The following OR52I2 variants were observed in gnomAD, a reference collection of about 807,000 sequenced individuals.
The protein encoded by OR52I2 is olfactory receptor family 52 subfamily I member 2, also known as olfactory receptor 52I2.
For missense variants in OR52I2, 350 were observed against 402.4 expected, an observed-to-expected ratio of 0.87 and a Z score of 1.11; for synonymous variants, 147 against 151.9, an observed-to-expected ratio of 0.97 and a Z score of 0.24.
chr11:4,589,512 T>C (rs549129108), exon 2 of OR52I2: 5 of 152,090 alleles, frequency 3.3e-5, no homozygotes, highest in Non-Finnish European at 5.9e-5. Flanking sequence ...GAATAGAAAA[T>C]ATAAGCCTTT....
exon 2 of OR52I2, chr11:4,587,662 C>T (rs372813851): frequency 6.2e-7 from 1 of 1,614,040 alleles, no homozygotes; most frequent in African/African-American, 1.3e-5. Flanking sequence ...GTACTATCTA[C>T]CTGGGATGGC....
intron 1 of OR52I2, 79 bp from the exon 2 acceptor site, chr11:4,586,793 T>C (rs373274567): frequency 9.4e-6 from 15 of 1,601,328 alleles, no homozygotes; most frequent in African/African-American, 8.0e-5. Flanking sequence ...GAGAATATCC[T>C]TAGGTTTTCC....
At chr11:4,587,656 T>C in exon 2 of OR52I2, 3 of 1,613,966 alleles carry the variant, frequency 1.9e-6, no homozygotes, top group Non-Finnish European at 2.5e-6. Context: ...GGCTTTGTAC[T>C]ATCTACCTGG....
chr11:4,588,036 T>C (rs1025372307), exon 2 of OR52I2: 15 of 624,088 alleles, frequency 2.4e-5, no homozygotes, highest in Non-Finnish European at 3.9e-5. Context: ...TTCTGAGGGC[T>C]TTCTCAGTGG....
In OR52I2 at chr11:4,588,061, T is replaced by A. The variant is rs79596769; in HGVS notation, c.*196T>A. On this transcript the variant is annotated 3_prime_UTR_variant, in exon 2 of 2. Transcript: ENST00000641896. ...TTTCTCAGTGGATTCAATCAACTTG[T>A]ATCTGAATCAGAGACAAGTTTTGGT... 2.8e-3 allele frequency: 1,685 copies of A among 591,830 alleles called. 21 individuals are homozygous for A. The highest frequency in any genetic ancestry group is 0.028 in the African/African-American group (1,531 of 53,886). 36.7% of individuals were successfully genotyped at this position (591,830 alleles called of 1,614,324 possible). A position where few individuals can be genotyped will look rare whatever the true frequency, so the allele number is the denominator to read the frequency against.
exon 2 of OR52I2, chr11:4,588,628 C>T (rs1846327550): frequency 6.6e-6 from 1 of 152,258 alleles, no homozygotes. Context: ...TCTTTCCCTT[C>T]TCCGTTCAAC....
exon 2 of OR52I2, chr11:4,587,657 A>G: frequency 1.2e-6 from 2 of 1,614,186 alleles, no homozygotes; most frequent in African/African-American, 1.3e-5. Context: ...GCTTTGTACT[A>G]TCTACCTGGG....
chr11:4,583,293 G>A (rs567594630), intron 1 of OR52I2, among the ~76,000 whole-genome samples: 1 of 151,894 alleles, frequency 6.6e-6, no homozygotes. Flanking sequence ...CACCACTCTC[G>A]AAGGCATGAA....
chr11:4,590,554 G>GGGCTGAGGCCTCAGCATC (rs1304526753), exon 2 of OR52I2: 3 of 152,342 alleles, frequency 2.0e-5, no homozygotes, highest in East Asian at 3.9e-4. Context: ...AGAGCTTCCA[G>GGGCTGAGGCCTCAGCATC]GGCTGAGGCC....
At chr11:4,587,110 G>C (rs1475831882) in exon 2 of OR52I2, 9 of 1,614,078 alleles carry the variant, frequency 5.6e-6, no homozygotes, top group Non-Finnish European at 6.8e-6. Context: ...GGCTGCTGTG[G>C]ACATTGTTAT....
chr11:4,586,717 G>A (rs1460700474), intron 1 of OR52I2, 155 bp from the exon 2 acceptor site: 5 of 967,908 alleles, frequency 5.2e-6, no homozygotes, highest in Admixed American at 2.2e-5. Flanking sequence ...TATTAAGGAG[G>A]ATAAAAGTGG....
At chr11:4,592,843 A>T (rs1184738912) in exon 2 of OR52I2, 1 of 152,250 alleles carries the variant, frequency 6.6e-6, no homozygotes, top group African/African-American at 2.4e-5. Context: ...TGTGCACAGC[A>T]GTAGCTATCT....
chr11:4,584,279 T>G (rs1406315824), intron 1 of OR52I2, among the ~76,000 whole-genome samples: 1 of 152,114 alleles, frequency 6.6e-6, no homozygotes, highest in Admixed American at 6.5e-5. Flanking sequence ...AATCACACAA[T>G]TGATGTGGTG....
exon 2 of OR52I2, chr11:4,590,186 A>T (rs991248534): frequency 6.6e-6 from 1 of 152,228 alleles, no homozygotes; most frequent in African/African-American, 2.4e-5. Context: ...CAGGCTATCT[A>T]TCTGAGATTT....
exon 2 of OR52I2, chr11:4,587,334 G>A (rs759483499): frequency 6.3e-7 from 1 of 1,599,866 alleles, no homozygotes; most frequent in Non-Finnish European, 8.5e-7. Context: ...TGCTGGGAAT[G>A]AGTATGGCCA....
At chr11:4,584,487 G>A (rs1389434155) in intron 1 of OR52I2, among the ~76,000 whole-genome samples, 3 of 152,150 alleles carry the variant, frequency 2.0e-5, no homozygotes, top group Non-Finnish European at 4.4e-5. Flanking sequence ...AATTTAGCCT[G>A]AAAAAGAAAT....
intron 1 of OR52I2, among the ~76,000 whole-genome samples, chr11:4,585,282 GA>G (rs1846291073): frequency 6.6e-6 from 1 of 152,026 alleles, no homozygotes; most frequent in African/African-American, 2.4e-5. Flanking sequence ...GTATTCTGAA[GA>G]AAAAAACCTA....
At chr11:4,582,433 C>CTTTTTTTTTT (rs1564859030) in intron 1 of OR52I2, among the ~76,000 whole-genome samples, 1 of 74,664 alleles carries the variant, frequency 1.3e-5, no homozygotes, top group African/African-American at 4.5e-5. Context: ...ATTTATTTTT[C>CTTTTTTTTTT]ATTTTTTTTT....
At chr11:4,588,024 T>C in exon 2 of OR52I2, 1 of 656,942 alleles carries the variant, frequency 1.5e-6, no homozygotes, top group Non-Finnish European at 2.6e-6. Context: ...ATGTTTCTGA[T>C]TTTCTGAGGG....
Sources: gnomAD v4.1 joint callset for allele counts (sites outside exome capture counted in the v4.1 genomes callset) on GRCh38, gnomAD v4.1.1 for gene constraint, MANE v1.5 for transcripts, NCBI Gene and HGNC (gene_info 2026-07-23, HGNC 2026-07-21) for gene names.